DSCAML1: variants seen among roughly 807,000 people sequenced by gnomAD.
DSCAML1 encodes cell adhesion molecule DSCAML1.
Under a neutral mutation model 200.5 loss-of-function variants are expected in DSCAML1, and 38 were observed. That is an observed-to-expected ratio of 0.19 (90% confidence interval 0.15 to 0.25). The LOEUF (loss-of-function observed/expected upper bound fraction) is 0.25. Ranked by LOEUF, DSCAML1 falls within the 10% of genes least tolerant of loss-of-function variation. The pLI, the probability that DSCAML1 is intolerant of heterozygous loss-of-function variation, is 1.00. For missense variants in DSCAML1, 2,223 were observed against 2,858.8 expected (o/e 0.78, Z 5.07); for synonymous variants, 1,215 against 1,165.0 (o/e 1.04, Z -0.87).
chr11:117,445,531 T>G (rs2048160874), intron 20 of DSCAML1, among the ~76,000 whole-genome samples: 2 of 152,244 alleles, frequency 1.3e-5, no homozygotes, highest in Non-Finnish European at 2.9e-5. Flanking sequence ...GACGCTGTTT[T>G]CTCTCTTGCA....
At chr11:117,708,552 C>T (rs2053791367) in intron 3 of DSCAML1, among the ~76,000 whole-genome samples, 1 of 152,198 alleles carries the variant, frequency 6.6e-6, no homozygotes, top group Non-Finnish European at 1.5e-5. Flanking sequence ...AAACATTAAA[C>T]ACACAGTACT....
At chr11:117,635,449 TG>T (rs2052262150) in intron 3 of DSCAML1, among the ~76,000 whole-genome samples, 28 of 122,206 alleles carry the variant, frequency 2.3e-4, no homozygotes, top group African/African-American at 1.1e-3. Flanking sequence ...GTGTGTGTGG[TG>T]TGTGTGTGTG....
intron 3 of DSCAML1, among the ~76,000 whole-genome samples, chr11:117,622,484 C>A (rs949846729): frequency 1.3e-5 from 2 of 152,236 alleles, no homozygotes; most frequent in South Asian, 4.1e-4. Flanking sequence ...GCAGATCCTG[C>A]ACATGGGCCT....
intron 3 of DSCAML1, among the ~76,000 whole-genome samples, chr11:117,698,586 A>AT (rs898675914): frequency 3.7e-4 from 56 of 151,514 alleles, no homozygotes; most frequent in Middle Eastern, 6.8e-3. Context: ...TGTTATTATT[A>AT]TTTTTTTTTC....
chr11:117,787,258 A>C (rs2055373757), intron 1 of DSCAML1, among the ~76,000 whole-genome samples: 1 of 152,194 alleles, frequency 6.6e-6, no homozygotes, highest in Admixed American at 6.5e-5. Context: ...GAGTTAATAT[A>C]TATGAAGAGC....
At chr11:117,810,007 CCACA>C (rs923480073) in intron 1 of DSCAML1, among the ~76,000 whole-genome samples, 8 of 150,816 alleles carry the variant, frequency 5.3e-5, no homozygotes, top group African/African-American at 9.7e-5. Context: ...ACACACATTC[CCACA>C]CTCACACATA....
At chr11:117,773,504 C>T (rs1014877379) in intron 3 of DSCAML1, among the ~76,000 whole-genome samples, 1 of 148,614 alleles carries the variant, frequency 6.7e-6, no homozygotes, top group Admixed American at 6.8e-5. Flanking sequence ...ATGAGAAGTG[C>T]CATCCAGCCT....
chr11:117,647,189 C>T (rs1017081451), intron 3 of DSCAML1, among the ~76,000 whole-genome samples: 3 of 152,242 alleles, frequency 2.0e-5, no homozygotes, highest in African/African-American at 7.2e-5. Context: ...TCCAAGTGAC[C>T]TCTCAGCAAA....
chr11:117,609,909 C>G (rs575246993), intron 3 of DSCAML1, among the ~76,000 whole-genome samples: 102 of 152,268 alleles, frequency 6.7e-4, no homozygotes, highest in African/African-American at 2.1e-3. Context: ...CCATGGCCAT[C>G]ATGGTAGAAA....
intron 3 of DSCAML1, among the ~76,000 whole-genome samples, chr11:117,761,439 C>T (rs1287148160): frequency 1.3e-5 from 2 of 152,222 alleles, no homozygotes; most frequent in African/African-American, 4.8e-5. Flanking sequence ...ACCAGGAGCC[C>T]CAGATGTGAT....
At chr11:117,815,769 C>T (rs1190765232) in intron 1 of DSCAML1, among the ~76,000 whole-genome samples, 1 of 151,456 alleles carries the variant, frequency 6.6e-6, no homozygotes, top group Non-Finnish European at 1.5e-5. Context: ...CACCTGCACC[C>T]TGTGAAGGGA....
intron 3 of DSCAML1, among the ~76,000 whole-genome samples, chr11:117,562,551 TTC>T (rs752868836): frequency 2.0e-4 from 31 of 152,182 alleles, no homozygotes; most frequent in Non-Finnish European, 4.6e-4. Flanking sequence ...AGGGCAAGTT[TTC>T]TGAGGCCCAA....
intron 3 of DSCAML1, among the ~76,000 whole-genome samples, chr11:117,738,303 C>G (rs964633615): frequency 9.9e-5 from 15 of 152,196 alleles, no homozygotes; most frequent in Admixed American, 7.8e-4. Context: ...GTTTTCCACA[C>G]AAAATGAAAC....
intron 1 of DSCAML1, among the ~76,000 whole-genome samples, chr11:117,813,979 G>A (rs919216554): frequency 1.1e-4 from 17 of 152,308 alleles, no homozygotes; most frequent in African/African-American, 3.6e-4. Flanking sequence ...AGTAACTGAA[G>A]AATCACAAAA....
chr11:117,688,828 G>T (rs966564070), intron 3 of DSCAML1, among the ~76,000 whole-genome samples: 6 of 152,232 alleles, frequency 3.9e-5, no homozygotes, highest in Non-Finnish European at 7.3e-5. Context: ...TACACAAATA[G>T]TCTTCTTTTC....
At chr11:117,657,730 A>G (rs1402970527) in intron 3 of DSCAML1, among the ~76,000 whole-genome samples, 1 of 152,206 alleles carries the variant, frequency 6.6e-6, no homozygotes, top group Non-Finnish European at 1.5e-5. Flanking sequence ...GCTGGATTAC[A>G]GAGGGAGATT....
At chr11:117,626,687 A>T (rs2052054039) in intron 3 of DSCAML1, among the ~76,000 whole-genome samples, 1 of 152,076 alleles carries the variant, frequency 6.6e-6, no homozygotes, top group Non-Finnish European at 1.5e-5. Flanking sequence ...GGAGGCGCTT[A>T]TTTTCCCATC....
intron 20 of DSCAML1, among the ~76,000 whole-genome samples, chr11:117,445,723 C>T (rs1404739122): frequency 6.6e-6 from 1 of 152,190 alleles, no homozygotes; most frequent in African/African-American, 2.4e-5. Context: ...AGTGTATGTG[C>T]TTGTGTGCAT....
At chr11:117,545,240 C>CA (rs1347948078) in intron 3 of DSCAML1, among the ~76,000 whole-genome samples, 14 of 141,592 alleles carry the variant, frequency 9.9e-5, no homozygotes, top group East Asian at 2.0e-4. Flanking sequence ...AAAAAACACA[C>CA]ACACACACAC....
Sources: allele counts gnomAD v4.1 joint callset (sites outside exome capture counted in the v4.1 genomes callset), GRCh38; gene constraint gnomAD v4.1.1; transcripts MANE v1.5; gene names NCBI Gene and HGNC (gene_info 2026-07-23, HGNC 2026-07-21).